Variants in ZPBP observed in about 807,000 individuals in gnomAD.
ZPBP encodes zona pellucida-binding protein 1.
In ZPBP, 26 loss-of-function variants were observed where a neutral mutation model predicts 44.8. That is an observed-to-expected ratio of 0.58 (90% CI 0.43 to 0.81). ZPBP has a LOEUF of 0.81. Ranked by LOEUF, ZPBP falls within the 30% of genes least tolerant of loss-of-function variation. The pLI is 0.00. For synonymous variants in ZPBP, 174 were observed against 153.2 expected, an observed-to-expected ratio of 1.14 and a Z score of -1.00; for missense variants, 409 against 434.0, an observed-to-expected ratio of 0.94 and a Z score of 0.51.
intron 4 of ZPBP, among the ~76,000 whole-genome samples, chr7:50,050,909 T>C (rs1160228331): frequency 6.7e-6 from 1 of 149,466 alleles, no homozygotes; most frequent in Non-Finnish European, 1.5e-5. Context: ...CAAAAAGCAA[T>C]TGCAACAAAA....
chr7:50,047,466 T>C (rs960725063), intron 4 of ZPBP, among the ~76,000 whole-genome samples: 2 of 151,914 alleles, frequency 1.3e-5, no homozygotes, highest in Non-Finnish European at 2.9e-5. Context: ...AGAGTACATA[T>C]ACAATGTGGG....
At chr7:49,894,846 C>G (rs1792305286) in intron 2 of ZPBP, among the ~76,000 whole-genome samples, 1 of 152,210 alleles carries the variant, frequency 6.6e-6, no homozygotes, top group Non-Finnish European at 1.5e-5. Flanking sequence ...TAAGTGCAAG[C>G]ACCTATCCTG....
chr7:49,999,146 C>T (rs13239786), intron 6 of ZPBP, among the ~76,000 whole-genome samples: 76,534 of 151,304 alleles, frequency 0.51, 20,199 homozygotes, highest in East Asian at 0.69. Flanking sequence ...CTCAACCTGC[C>T]GCATATACAT....
Position 50,068,430 on chromosome 7 carries a change from GT to G in ZPBP, c.335-10290del, listed in dbSNP as rs113489056. ...CTGGGTGCAGTAGCCCTTGGCCAGT[GT>G]TTTTTTTTTTTTTCATACTATGGCC... On this transcript the variant is annotated intron_variant, in intron 3 of 7. Transcript: ENST00000046087. 7.2e-3 allele frequency among the ~76,000 whole-genome samples: 1,002 copies of G among 139,710 alleles called. 5 individuals are homozygous for G. Among genetic ancestry groups the G allele is most frequent in the East Asian group, 0.019 (89 of 4,758 alleles). The allele number at this position is 139,710 out of a possible 152,430, so 91.7% of individuals were successfully genotyped here.
chr7:50,066,583 CA>C (rs1562602160), intron 3 of ZPBP, among the ~76,000 whole-genome samples: 1 of 152,210 alleles, frequency 6.6e-6, no homozygotes, highest in East Asian at 1.9e-4. Flanking sequence ...ATAGGCATGG[CA>C]AACATTCCTC....
rs370914243 is a variant in ZPBP, at chr7:49,976,812, T to C, written c.961+6530A>G. Among the ~76,000 whole-genome samples the C allele has an allele frequency of 4.0e-3, 611 of 152,128 alleles. 48 individuals carry two copies. In the South Asian group the frequency reaches 0.12, roughly 30 times the overall value. On this transcript the variant is annotated intron_variant, in intron 7 of 7. Coordinates refer to ENST00000046087, the MANE Select transcript of ZPBP (RefSeq NM_007009.3). ...TTACATGGACTGCTTTTACTGAAAA[T>C]AAACGTATCGGCCGGCGCAGTGGCT...
intron 4 of ZPBP, among the ~76,000 whole-genome samples, chr7:50,055,077 C>T (rs1800867690): frequency 6.6e-6 from 1 of 152,058 alleles, no homozygotes; most frequent in Non-Finnish European, 1.5e-5. Flanking sequence ...CTATGAATTC[C>T]CTGCAGATTT....
chr7:49,996,861 C>G (rs2128791929), intron 6 of ZPBP, among the ~76,000 whole-genome samples: 1 of 152,320 alleles, frequency 6.6e-6, no homozygotes, highest in Non-Finnish European at 1.5e-5. Flanking sequence ...TGCCTTGACT[C>G]TGCTGTCCCT....
the ZPBP span, among the ~76,000 whole-genome samples, chr7:49,844,649 ACACGTAGCAGC>A: frequency 2.6e-5 from 4 of 152,148 alleles, no homozygotes; most frequent in Non-Finnish European, 4.4e-5. Context: ...AATGGATCTG[ACACGTAGCAGC>A]CACATTACCT....
At chr7:50,049,238 G>C (rs13247946) in intron 4 of ZPBP, among the ~76,000 whole-genome samples, 75,412 of 151,738 alleles carry the variant, frequency 0.5, 19,480 homozygotes, top group East Asian at 0.67. Flanking sequence ...CTACCAAACA[G>C]TTAAGATATA....
At chr7:49,876,278 G>A (rs1229191016) in intron 2 of ZPBP, among the ~76,000 whole-genome samples, 1 of 152,116 alleles carries the variant, frequency 6.6e-6, no homozygotes, top group Non-Finnish European at 1.5e-5. Context: ...TTTCATTATA[G>A]GGAGAAGTTG....
chr7:49,944,356 T>G (rs544290439), intron 7 of ZPBP: 29 of 206,932 alleles, frequency 1.4e-4, no homozygotes, highest in African/African-American at 6.6e-4. Context: ...TGTTTTGACC[T>G]CCTGCTTCCT....
At chr7:49,874,599 G>A (rs79495230) in intron 2 of ZPBP, among the ~76,000 whole-genome samples, 4,744 of 152,276 alleles carry the variant, frequency 0.031, 97 homozygotes, top group Middle Eastern at 0.061. Context: ...GAGAGAAAGA[G>A]AGAAATATAG....
At chr7:49,867,113 A>T (rs1236813179) in intron 2 of ZPBP, among the ~76,000 whole-genome samples, 1 of 152,214 alleles carries the variant, frequency 6.6e-6, no homozygotes, top group East Asian at 1.9e-4. Context: ...GGGGTCCTGC[A>T]GCTATGTGGG....
intron 2 of ZPBP, among the ~76,000 whole-genome samples, chr7:49,875,176 C>G (rs1042793969): frequency 3.3e-5 from 5 of 150,886 alleles, no homozygotes; most frequent in African/African-American, 9.7e-5. Flanking sequence ...TCGAGACTAG[C>G]CTGGCCAATA....
chr7:49,975,500 G>A (rs768300215), intron 7 of ZPBP, among the ~76,000 whole-genome samples: 1 of 152,134 alleles, frequency 6.6e-6, no homozygotes, highest in Non-Finnish European at 1.5e-5. Context: ...CATGTACTGG[G>A]CTTTCACACA....
At chr7:49,882,044 T>A (rs1244902934) in intron 2 of ZPBP, among the ~76,000 whole-genome samples, 1 of 152,108 alleles carries the variant, frequency 6.6e-6, no homozygotes, top group Non-Finnish European at 1.5e-5. Flanking sequence ...ATCTGCCAGC[T>A]TAACAGTTGC....
At chr7:49,844,751 G>A in the ZPBP span, among the ~76,000 whole-genome samples, 1 of 152,060 alleles carries the variant, frequency 6.6e-6, no homozygotes, top group African/African-American at 2.4e-5. Context: ...GGAGTGCAAT[G>A]GCACGATCTC....
At chr7:50,090,625 GTA>G (rs1363833060) in intron 1 of ZPBP, among the ~76,000 whole-genome samples, 1 of 150,804 alleles carries the variant, frequency 6.6e-6, no homozygotes, top group Non-Finnish European at 1.5e-5. Context: ...GTATATATGT[GTA>G]TATATATACA....
Sources: allele counts gnomAD v4.1 joint callset (sites outside exome capture counted in the v4.1 genomes callset), GRCh38; gene constraint gnomAD v4.1.1; transcripts MANE v1.5; gene names NCBI Gene and HGNC (gene_info 2026-07-23, HGNC 2026-07-21).